CEP112: variants seen among roughly 807,000 people sequenced by gnomAD.
The protein encoded by CEP112 is centrosomal protein 112.
In CEP112, 127 loss-of-function variants were observed where a neutral mutation model predicts 153.0. The observed-to-expected ratio is 0.83, with a 90% CI of 0.72 to 0.96. The LOEUF (loss-of-function observed/expected upper bound fraction) is 0.96. Ranked by LOEUF, CEP112 falls within the 40% of genes least tolerant of loss-of-function variation. CEP112 has a pLI of 0.00. For missense variants in CEP112, 1,089 were observed against 1,101.2 expected, an observed-to-expected ratio of 0.99 and a Z score of 0.16; for synonymous variants, 358 against 374.4, an observed-to-expected ratio of 0.96 and a Z score of 0.51.
At chr17:65,913,322 A>G (rs2060355072) in intron 19 of CEP112, 1 of 167,950 alleles carries the variant, frequency 6.0e-6, no homozygotes, top group African/African-American at 2.4e-5. Flanking sequence ...AAAATGTGCT[A>G]TTGGATACTT....
chr17:65,886,284 G>A (rs764607861), intron 20 of CEP112, among the ~76,000 whole-genome samples: 2 of 152,200 alleles, frequency 1.3e-5, no homozygotes, highest in Non-Finnish European at 2.9e-5. Context: ...AGATGTCAGA[G>A]CCTTTGAAGA....
rs375574894 is a variant in CEP112, at chr17:65,641,052, C to T, written c.2711G>A (p.Arg904Gln). 102 of 1,593,888 alleles carry T rather than the reference C, an allele frequency of 6.4e-5. 1 individual carries two copies. Among genetic ancestry groups the T allele is most frequent in the Middle Eastern group, 1.7e-4 (1 of 6,016 alleles). Reference protein sequence around the residue: ...LESQEQITYIRQEYETKLKGL... With the variant: ...LESQEQITYIQQEYETKLKGL... ...TTTCAATTTTGTTTCATATTCTTGT[C>T]GTATGTAAGTTATCTAAATTGGAAA... The change falls in exon 25 of 27, where the codon CGA becomes CAA. Residue 904 changes from arginine to glutamine, a missense_variant. Physicochemically the swap from Arg to Gln is conservative, Grantham distance 43. Transcript: ENST00000535342.
intron 12 of CEP112, among the ~76,000 whole-genome samples, chr17:66,034,661 G>GA (rs568317478): frequency 2.0e-5 from 3 of 151,096 alleles, no homozygotes; most frequent in African/African-American, 7.3e-5. Flanking sequence ...ATGAGAGAAA[G>GA]AAAAAAAGAG....
intron 18 of CEP112, among the ~76,000 whole-genome samples, chr17:65,934,259 A>C (rs2061230084): frequency 6.6e-6 from 1 of 152,358 alleles, no homozygotes; most frequent in Non-Finnish European, 1.5e-5. Flanking sequence ...CATAAAATTA[A>C]GGGAGAATAA....
At chr17:66,093,295 T>C (rs976102969) in intron 8 of CEP112, among the ~76,000 whole-genome samples, 8 of 152,106 alleles carry the variant, frequency 5.3e-5, no homozygotes, top group Non-Finnish European at 7.4e-5. Flanking sequence ...TGAGCTGAGA[T>C]TGCACCACTG....
chr17:66,005,764 A>C lies in CEP112; in HGVS notation c.1662T>G (p.His554Gln). Residue 554 changes from histidine (H) to glutamine (Q), a missense_variant, in exon 17 of 27, where the codon CAT becomes CAG. Transcript: ENST00000535342. ...HLKHIYEKKA[H>Q]DLQSELDKGK... ...CTTTATCAAGTTCACTCTGCAAGTC[A>C]TGAGCCTGCCATGACAAGAACATGG... 1 of 1,602,388 alleles carries C rather than the reference A, an allele frequency of 6.2e-7. No individual in the cohort carries two copies. The highest frequency in any genetic ancestry group is 8.5e-7 in the Non-Finnish European group (1 of 1,176,430).
At chr17:65,769,570 T>C (rs2053212400) in intron 21 of CEP112, among the ~76,000 whole-genome samples, 1 of 152,112 alleles carries the variant, frequency 6.6e-6, no homozygotes. Flanking sequence ...AACAGATGCC[T>C]AGACTAATAG....
chr17:66,025,396 T>C (rs769956319), intron 16 of CEP112, among the ~76,000 whole-genome samples: 6 of 152,042 alleles, frequency 3.9e-5, no homozygotes, highest in Non-Finnish European at 8.8e-5. Context: ...CGGGGACTGA[T>C]ATCCAGAATT....
intron 12 of CEP112, chr17:66,043,048 G>T: frequency 1.0e-6 from 1 of 961,800 alleles, no homozygotes; most frequent in Non-Finnish European, 1.2e-6. Flanking sequence ...AAATATTTCA[G>T]ATGTCTAAGG....
chr17:65,802,754 A>T (rs992128258), intron 21 of CEP112, among the ~76,000 whole-genome samples: 1 of 152,186 alleles, frequency 6.6e-6, no homozygotes, highest in Non-Finnish European at 1.5e-5. Context: ...TCTAGGACTC[A>T]TCGTGATGCC....
At chr17:65,970,679 T>C (rs1336409830) in intron 17 of CEP112, among the ~76,000 whole-genome samples, 1 of 152,006 alleles carries the variant, frequency 6.6e-6, no homozygotes, top group Non-Finnish European at 1.5e-5. Context: ...ATTACACGCA[T>C]ATCACACACA....
chr17:65,700,154 T>A (rs1010082851), intron 23 of CEP112, among the ~76,000 whole-genome samples: 7 of 151,918 alleles, frequency 4.6e-5, no homozygotes, highest in Admixed American at 3.3e-4. Context: ...TTTCCCTAAC[T>A]AGGTTCTTAC....
intron 17 of CEP112, among the ~76,000 whole-genome samples, chr17:65,994,979 G>A (rs1052646107): frequency 6.6e-6 from 1 of 151,962 alleles, no homozygotes; most frequent in Non-Finnish European, 1.5e-5. Context: ...GTGCCCCTTC[G>A]GCACACTCAT....
intron 21 of CEP112, among the ~76,000 whole-genome samples, chr17:65,757,612 T>A (rs2052365461): frequency 6.6e-6 from 1 of 152,186 alleles, no homozygotes; most frequent in Admixed American, 6.5e-5. Flanking sequence ...TAGAGTAGAA[T>A]CAATACTTTA....
intron 24 of CEP112, among the ~76,000 whole-genome samples, chr17:65,684,010 A>G (rs771754829): frequency 6.6e-6 from 1 of 152,156 alleles, no homozygotes; most frequent in African/African-American, 2.4e-5. Context: ...CACTGCATTC[A>G]GCCTAGGCAA....
intron 21 of CEP112, among the ~76,000 whole-genome samples, chr17:65,788,421 T>C (rs1911742870): frequency 1.3e-5 from 2 of 152,192 alleles, no homozygotes; most frequent in Admixed American, 1.3e-4. Context: ...TTAGAATAAA[T>C]GGGGGATATT....
intron 23 of CEP112, among the ~76,000 whole-genome samples, chr17:65,704,232 C>T (rs2048790788): frequency 1.3e-5 from 2 of 152,090 alleles, no homozygotes; most frequent in Non-Finnish European, 2.9e-5. Flanking sequence ...CTAGAGCCTT[C>T]TGAGGGAGCA....
intron 21 of CEP112, among the ~76,000 whole-genome samples, chr17:65,840,811 A>C (rs767382308): frequency 2.6e-5 from 4 of 152,114 alleles, no homozygotes; most frequent in African/African-American, 9.6e-5. Context: ...CAGCAAAAAA[A>C]CAAATAATCC....
intron 18 of CEP112, among the ~76,000 whole-genome samples, chr17:65,951,737 T>TCCCGCGG (rs763670851): frequency 1.0e-5 from 1 of 96,924 alleles, no homozygotes; most frequent in Non-Finnish European, 2.1e-5. Context: ...GCTCTAATCT[T>TCCCGCGG]CCCCCGCCCC....
Sources: allele counts gnomAD v4.1 joint callset (sites outside exome capture counted in the v4.1 genomes callset), GRCh38; gene constraint gnomAD v4.1.1; transcripts MANE v1.5; gene names NCBI Gene and HGNC (gene_info 2026-07-23, HGNC 2026-07-21).